MCC: variants seen among roughly 807,000 people sequenced by gnomAD.
MCC encodes colorectal mutant cancer protein.
A neutral mutation model predicts 116.2 loss-of-function variants in MCC; 90 were observed. The ratio of observed to expected loss-of-function variants is 0.77; its 90% CI spans 0.65 to 0.92. MCC has a LOEUF of 0.92. MCC is among the 40% of genes least tolerant of loss of function. MCC has a pLI of 0.00. For missense variants in MCC, 1,516 were observed against 1,312.2 expected, an observed-to-expected ratio of 1.16 and a Z score of -2.40; for synonymous variants, 578 against 510.5, an observed-to-expected ratio of 1.13 and a Z score of -1.78.
Position 113,024,735 on chromosome 5 carries a change from C to CATTTA in MCC, c.*2562_*2566dup, listed in dbSNP as rs944475301. 2 of 77,428 alleles carry CATTTA rather than the reference C, an allele frequency of 2.6e-5. No homozygotes were observed. The highest frequency in any genetic ancestry group is 1.4e-4 in the Admixed American group (1 of 7,300). The allele number at this position is 77,428 out of a possible 1,614,324, so 4.8% of individuals were successfully genotyped here. A position where few individuals can be genotyped will look rare whatever the true frequency, so the allele number is the denominator to read the frequency against. ...GGAAAATTACCCAGGAACCTGCAAG[C>CATTTA]ATTTAATTTAATCAGTATAGTTTAG... is the stretch of plus-strand genomic sequence containing the variant. On this transcript the variant is annotated 3_prime_UTR_variant, in exon 19 of 19. Transcript: ENST00000408903.
At chr5:113,172,658 T>C (rs1190537897) in intron 3 of MCC, among the ~76,000 whole-genome samples, 1 of 152,216 alleles carries the variant, frequency 6.6e-6, no homozygotes, top group African/African-American at 2.4e-5. Context: ...GGGCGTACCA[T>C]AACTTAGCCA....
chr5:113,428,154 A>T (rs546490817), intron 1 of MCC, among the ~76,000 whole-genome samples: 38 of 152,336 alleles, frequency 2.5e-4, no homozygotes, highest in African/African-American at 8.9e-4. Flanking sequence ...GCCACAGCTC[A>T]GCATTTTCAG....
At chr5:113,275,956 A>G (rs7729163) in intron 3 of MCC, among the ~76,000 whole-genome samples, 50,853 of 147,986 alleles carry the variant, frequency 0.34, 10,103 homozygotes, top group African/African-American at 0.54. Context: ...TCTAAAATTG[A>G]TTTCACTTGT....
In MCC at chr5:113,488,301, C is replaced by G. The variant is rs348943; in HGVS notation, c.114G>C (p.Glu38Asp). The G allele has an allele frequency of 8.8e-6, 14 of 1,590,136 alleles. No individual in the cohort carries two copies. The highest frequency in any genetic ancestry group is 1.1e-5 in the South Asian group (1 of 89,870). Residue 38 changes from glutamate (E) to aspartate (D), a missense_variant, in exon 1 of 19, where the codon GAG (glutamate) becomes GAC (aspartate). Physicochemically the swap from Glu to Asp is conservative, Grantham distance 45. Coordinates refer to ENST00000408903, the MANE Select transcript of MCC (RefSeq NM_001085377.2). ...SSDTSSTGEE[E>D]RMRRLFQTCD... ...ACGTCTGGAAGAGGCGCCGCATCCT[C>G]TCCTCCTCGCCGGTGCTGGACGTGT...
At chr5:113,135,877 C>T (rs1758789218) in intron 5 of MCC, among the ~76,000 whole-genome samples, 1 of 152,058 alleles carries the variant, frequency 6.6e-6, no homozygotes, top group South Asian at 2.1e-4. Flanking sequence ...AACCCCATCT[C>T]TACTAAAAAC....
At chr5:113,363,313 G>A (rs1420895369) in intron 2 of MCC, among the ~76,000 whole-genome samples, 1 of 152,100 alleles carries the variant, frequency 6.6e-6, no homozygotes, top group African/African-American at 2.4e-5. Flanking sequence ...AAAAAACCCT[G>A]GGAGCAGGTA....
intron 3 of MCC, among the ~76,000 whole-genome samples, chr5:113,157,244 T>C (rs1018873020): frequency 6.6e-6 from 1 of 152,158 alleles, no homozygotes; most frequent in Non-Finnish European, 1.5e-5. Context: ...CCAGGCACCA[T>C]CTCCTCTGAC....
intron 1 of MCC, among the ~76,000 whole-genome samples, chr5:113,394,971 G>A (rs1439274967): frequency 6.6e-6 from 1 of 152,184 alleles, no homozygotes; most frequent in Non-Finnish European, 1.5e-5. Flanking sequence ...CATTGTGACA[G>A]AGACCATATG....
At chr5:113,365,201 G>A (rs1454995916) in intron 2 of MCC, among the ~76,000 whole-genome samples, 2 of 152,016 alleles carry the variant, frequency 1.3e-5, no homozygotes, top group Non-Finnish European at 2.9e-5. Flanking sequence ...TCACACATAT[G>A]AGCATAGGCT....
In MCC at chr5:113,303,713, C is replaced by T. The variant is rs760691355; in HGVS notation, c.627+36806G>A. The stretch of plus-strand genomic sequence containing the variant: ...TCTCACTCTGTCGCCCAGGCAATGG[C>T]GCAATCTCAGCTCACTGCAACCTCC... On this transcript the variant is annotated intron_variant, in intron 3 of 18. Transcript: ENST00000408903. Among the ~76,000 whole-genome samples, 12 of 152,206 alleles carry T rather than the reference C, an allele frequency of 7.9e-5. 1 individual carries two copies. Among genetic ancestry groups the T allele is most frequent in the South Asian group, 6.2e-4 (3 of 4,818 alleles).
At chr5:113,127,202 T>C (rs1298361431) in intron 5 of MCC, among the ~76,000 whole-genome samples, 1 of 152,246 alleles carries the variant, frequency 6.6e-6, no homozygotes, top group Non-Finnish European at 1.5e-5. Context: ...TATGGCTGCA[T>C]AGTATTCCAT....
At chr5:113,414,330 C>T (rs1257048338) in intron 1 of MCC, among the ~76,000 whole-genome samples, 3 of 152,010 alleles carry the variant, frequency 2.0e-5, no homozygotes, top group African/African-American at 7.3e-5. Flanking sequence ...CCTTGTTAAC[C>T]TTCTGTCTCA....
At chr5:113,034,063 C>CTTTTTT (rs35834150) in intron 17 of MCC, among the ~76,000 whole-genome samples, 1 of 136,288 alleles carries the variant, frequency 7.3e-6, no homozygotes. Context: ...ATTTTTAAAA[C>CTTTTTT]TTTTTTTTTT....
At chr5:113,098,152 T>C (rs949422412) in intron 8 of MCC, among the ~76,000 whole-genome samples, 1 of 152,184 alleles carries the variant, frequency 6.6e-6, no homozygotes, top group Non-Finnish European at 1.5e-5. Flanking sequence ...CAAGTTTGCT[T>C]TGCCAAACAC....
chr5:113,105,684 C>G (rs113181406), intron 6 of MCC, among the ~76,000 whole-genome samples: 2,565 of 152,282 alleles, frequency 0.017, 79 homozygotes, highest in African/African-American at 0.059. Flanking sequence ...ATTACCATCT[C>G]TACTGACACC....
At chr5:113,455,808 G>T (rs1029465869) in intron 1 of MCC, among the ~76,000 whole-genome samples, 2 of 152,146 alleles carry the variant, frequency 1.3e-5, no homozygotes, top group Admixed American at 6.5e-5. Context: ...TACCTACTGA[G>T]TTTGCAGAAA....
intron 3 of MCC, among the ~76,000 whole-genome samples, chr5:113,302,355 A>G (rs1041413055): frequency 4.6e-5 from 7 of 152,214 alleles, no homozygotes; most frequent in Admixed American, 4.6e-4. Context: ...AGAAACCACC[A>G]AAAGAAAAAC....
chr5:113,459,151 G>A (rs1175516279), intron 1 of MCC, among the ~76,000 whole-genome samples: 1 of 143,284 alleles, frequency 7.0e-6, no homozygotes, highest in African/African-American at 2.7e-5. Context: ...GTGTGTGTGT[G>A]TGTGTGTGTG....
intron 12 of MCC, among the ~76,000 whole-genome samples, chr5:113,069,828 C>T (rs539053124): frequency 3.9e-5 from 6 of 152,324 alleles, no homozygotes; most frequent in East Asian, 3.9e-4. Flanking sequence ...CCTCGTGATC[C>T]GCCCGCCTCG....
Sources: gnomAD v4.1 joint callset for allele counts (sites outside exome capture counted in the v4.1 genomes callset) on GRCh38, gnomAD v4.1.1 for gene constraint, MANE v1.5 for transcripts, NCBI Gene and HGNC (gene_info 2026-07-23, HGNC 2026-07-21) for gene names.